NTM: variants seen among roughly 807,000 people sequenced by gnomAD.
NTM encodes the protein IgLON family member 2.
A neutral mutation model predicts 42.1 loss-of-function variants in NTM; 13 were observed. The observed-to-expected ratio is 0.31, with a 90% CI of 0.20 to 0.49. The LOEUF (loss-of-function observed/expected upper bound fraction) is 0.49, where lower values mean the gene tolerates loss of function less well. Among genes scored for constraint, NTM ranks in the 20% least tolerant of loss-of-function variants. The probability of loss-of-function intolerance (pLI) is 0.99; values close to 1 mark genes in which losing one functional copy is unlikely to be tolerated. For synonymous variants in NTM, 187 were observed against 179.2 expected (o/e 1.04, Z -0.35); for missense variants, 373 against 452.8 (o/e 0.82, Z 1.60).
intron 1 of NTM, among the ~76,000 whole-genome samples, chr11:131,773,233 A>G (rs969348496): frequency 6.6e-6 from 1 of 152,164 alleles, no homozygotes; most frequent in African/African-American, 2.4e-5. Flanking sequence ...GTGTCCTCAC[A>G]TGGTGTAAGG....
Position 131,370,810 on chromosome 11 carries a change from A to G in NTM, c.4A>G (p.Lys2Glu). The G allele has an allele frequency of 6.2e-7, 1 of 1,612,706 alleles. No homozygotes were observed. The highest frequency in any genetic ancestry group is 1.7e-4 in the Middle Eastern group (1 of 6,052). The change falls in exon 1 of 9, where the codon AAA (lysine) becomes GAA (glutamate). Residue 2 changes from lysine (K) to glutamate (E), a missense_variant. Lys to Glu is a moderately conservative substitution (Grantham distance 56). Around this residue, in one of 3 missense-constraint regions of NTM, gnomAD observed 29 missense variants for 30.4 expected, o/e 0.95. Transcript: ENST00000683400. M[K>E]TIQPKMHNSI... The stretch of plus-strand genomic sequence containing the variant: ...AAAAAGAAGAAGAAAAAAAATCATG[A>G]AAACCATCCAGCCAAAAATGCACAA...
At chr11:132,095,748 A>G (rs2060898873) in intron 2 of NTM, among the ~76,000 whole-genome samples, 1 of 152,142 alleles carries the variant, frequency 6.6e-6, no homozygotes, top group South Asian at 2.1e-4. Context: ...GTGTATCATC[A>G]TGCAGCGTGA....
chr11:131,599,016 C>T (rs1189697444), intron 1 of NTM, among the ~76,000 whole-genome samples: 7 of 151,746 alleles, frequency 4.6e-5, no homozygotes, highest in Non-Finnish European at 7.4e-5. Flanking sequence ...CAGGTTCAAG[C>T]AACTCTCTTG....
At chr11:131,527,177 C>T (rs1406546958) in intron 1 of NTM, among the ~76,000 whole-genome samples, 4 of 152,200 alleles carry the variant, frequency 2.6e-5, no homozygotes, top group Admixed American at 6.5e-5. Flanking sequence ...CTATTCTCGT[C>T]GTATGTGCTG....
chr11:132,123,562 C>T (rs555819468), intron 2 of NTM, among the ~76,000 whole-genome samples: 16 of 152,250 alleles, frequency 1.1e-4, no homozygotes, highest in Admixed American at 3.3e-4. Flanking sequence ...GGCCTATGGC[C>T]GTTCTGTTTT....
intron 1 of NTM, among the ~76,000 whole-genome samples, chr11:131,506,197 G>T (rs564503879): frequency 2.0e-5 from 3 of 152,110 alleles, no homozygotes; most frequent in Admixed American, 6.5e-5. Flanking sequence ...GATTATTCCC[G>T]AGCCTATTTG....
Position 132,009,692 on chromosome 11 carries a change from G to A in NTM, c.167+98044G>A, listed in dbSNP as rs150608619. ...TTATAAGACTGCTTCCAAGGAAAGC[G>A]TGCTTTTATTAAACTCCTAGACCAA... On this transcript the variant is annotated intron_variant, in intron 2 of 8. Coordinates refer to ENST00000683400, the MANE Select transcript of NTM (RefSeq NM_001352005.2). Among the ~76,000 whole-genome samples, 402 of 152,318 alleles carry A rather than the reference G, an allele frequency of 2.6e-3. 2 individuals are homozygous for A. Among genetic ancestry groups the A allele is most frequent in the African/African-American group, 9.3e-3 (385 of 41,574 alleles).
intron 1 of NTM, among the ~76,000 whole-genome samples, chr11:131,524,249 G>C (rs1369702047): frequency 6.6e-6 from 1 of 152,202 alleles, no homozygotes; most frequent in African/African-American, 2.4e-5. Flanking sequence ...CTTCTCTGTG[G>C]TGTCTCAAGA....
intron 2 of NTM, among the ~76,000 whole-genome samples, chr11:131,993,810 G>A (rs1041475384): frequency 6.6e-6 from 1 of 151,976 alleles, no homozygotes; most frequent in Non-Finnish European, 1.5e-5. Flanking sequence ...AGACCAGCCT[G>A]GCCAAGATGG....
Position 131,957,679 on chromosome 11 carries a change from G to A in NTM, c.167+46031G>A, listed in dbSNP as rs1203219225. On this transcript the variant is annotated intron_variant, in intron 2 of 8. Transcript: ENST00000683400. ...AATTGCCATCCCACTAGTCTTAAAT[G>A]TCCACTGTTTTTATATCTCCCCCTC... Among the ~76,000 whole-genome samples, 25 of 152,162 alleles carry A rather than the reference G, an allele frequency of 1.6e-4. 1 individual carries two copies. Among genetic ancestry groups the A allele is most frequent in the Admixed American group, 1.6e-3 (25 of 15,274 alleles).
chr11:131,928,518 G>T (rs1358305354), intron 2 of NTM, among the ~76,000 whole-genome samples: 3 of 151,090 alleles, frequency 2.0e-5, no homozygotes, highest in Non-Finnish European at 2.9e-5. Flanking sequence ...GTTTTCTGTG[G>T]TCTCCCGTCT....
chr11:131,900,683 G>A (rs369425187), intron 1 of NTM, among the ~76,000 whole-genome samples: 8 of 151,934 alleles, frequency 5.3e-5, no homozygotes, highest in Admixed American at 5.3e-4. Context: ...GAGAGAGAGA[G>A]ATTGGGTAAT....
intron 4 of NTM, among the ~76,000 whole-genome samples, chr11:132,284,130 A>G (rs1172788580): frequency 6.6e-6 from 1 of 152,180 alleles, no homozygotes; most frequent in African/African-American, 2.4e-5. Flanking sequence ...GAGGTATGGG[A>G]AAGAGCTGGC....
At chr11:132,110,005 C>G (rs1737100302) in intron 2 of NTM, among the ~76,000 whole-genome samples, 1 of 152,210 alleles carries the variant, frequency 6.6e-6, no homozygotes, top group African/African-American at 2.4e-5. Context: ...CAAATGTTAC[C>G]TCCTCAAAAT....
intron 4 of NTM, among the ~76,000 whole-genome samples, chr11:132,258,897 A>G (rs552684786): frequency 7.9e-5 from 12 of 152,242 alleles, no homozygotes; most frequent in Non-Finnish European, 1.8e-4. Context: ...TGTTCAGTTC[A>G]ATTCAGTCAA....
At chr11:131,418,627 C>A (rs116330015) in intron 1 of NTM, among the ~76,000 whole-genome samples, 1,565 of 152,328 alleles carry the variant, frequency 0.01, 16 homozygotes, top group African/African-American at 0.036. Context: ...CCCACACATC[C>A]ACTCACAGAC....
intron 1 of NTM, among the ~76,000 whole-genome samples, chr11:131,499,765 C>T (rs1030056772): frequency 5.3e-5 from 8 of 152,218 alleles, no homozygotes; most frequent in African/African-American, 1.9e-4. Context: ...GCAAAAAAAT[C>T]CCCTGAGCTC....
chr11:132,266,398 C>T (rs1335619911), intron 4 of NTM, among the ~76,000 whole-genome samples: 5 of 152,164 alleles, frequency 3.3e-5, no homozygotes, highest in Non-Finnish European at 7.4e-5. Flanking sequence ...GAGGCCGCCT[C>T]ATTACAACCT....
intron 1 of NTM, among the ~76,000 whole-genome samples, chr11:131,615,111 T>C (rs2061795221): frequency 6.6e-6 from 1 of 152,192 alleles, no homozygotes; most frequent in Non-Finnish European, 1.5e-5. Flanking sequence ...TCTATCTTAA[T>C]CAAGGCAGCA....
Sources: allele counts gnomAD v4.1 joint callset (sites outside exome capture counted in the v4.1 genomes callset), GRCh38; gene constraint gnomAD v4.1.1; regional missense constraint gnomAD v4.1.1; transcripts MANE v1.5; gene names NCBI Gene and HGNC (gene_info 2026-07-23, HGNC 2026-07-21).